The following MARCHF1 variants were observed in gnomAD, a reference collection of about 807,000 sequenced individuals.
The protein encoded by MARCHF1 is E3 ubiquitin-protein ligase MARCHF1.
Under a neutral mutation model 54.2 loss-of-function variants are expected in MARCHF1, and 40 were observed. The ratio of observed to expected loss-of-function variants is 0.74; its 90% confidence interval spans 0.57 to 0.96. MARCHF1 has a LOEUF of 0.96. MARCHF1 is among the 40% of genes least tolerant of loss of function. MARCHF1 has a pLI of 0.00. For synonymous variants in MARCHF1, 236 were observed against 236.3 expected, an observed-to-expected ratio of 1.00 and a Z score of 0.01; for missense variants, 586 against 656.5, an observed-to-expected ratio of 0.89 and a Z score of 1.17.
At chr4:164,287,227 A>G (rs1287930350) in intron 1 of MARCHF1, among the ~76,000 whole-genome samples, 2 of 151,562 alleles carry the variant, frequency 1.3e-5, no homozygotes, top group African/African-American at 4.8e-5. Flanking sequence ...TACAAAGTCC[A>G]TTGTCATTAA....
chr4:164,367,921 A>G (rs1035189341), intron 1 of MARCHF1, among the ~76,000 whole-genome samples: 4 of 151,928 alleles, frequency 2.6e-5, no homozygotes, highest in African/African-American at 9.7e-5. Flanking sequence ...TTCAAACACT[A>G]TATGTATATC....
At chr4:163,532,223 A>G (rs1738377534) in intron 9 of MARCHF1, among the ~76,000 whole-genome samples, 1 of 151,924 alleles carries the variant, frequency 6.6e-6, no homozygotes, top group Non-Finnish European at 1.5e-5. Flanking sequence ...ACAGTGTGGT[A>G]TCAATGAAAG....
At chr4:163,971,436 T>C (rs1752545413) in intron 3 of MARCHF1, among the ~76,000 whole-genome samples, 2 of 152,224 alleles carry the variant, frequency 1.3e-5, no homozygotes, top group African/African-American at 4.8e-5. Context: ...TTGTGTTACA[T>C]ATAACTTAAC....
intron 1 of MARCHF1, among the ~76,000 whole-genome samples, chr4:164,168,654 T>C (rs1236406505): frequency 6.9e-6 from 1 of 144,520 alleles, no homozygotes; most frequent in Non-Finnish European, 1.5e-5. Flanking sequence ...ATCTCACTTT[T>C]ATGTGGAATA....
chr4:163,528,739 C>A lies in MARCHF1; in HGVS notation c.*9G>T. ...TATTCTTCGGTGAAGAAACTCCCAACAGGTTCCATCAGACTGATACAACTT... is the reference window on the plus strand; with the variant it reads ...TATTCTTCGGTGAAGAAACTCCCAAAAGGTTCCATCAGACTGATACAACTT... On this transcript the variant is annotated 3_prime_UTR_variant, in exon 10 of 10. Transcript: ENST00000514618. 6.3e-7 allele frequency: 1 copy of A among 1,596,786 alleles called. No individual in the cohort carries two copies. Among genetic ancestry groups the A allele is most frequent in the Non-Finnish European group, 8.5e-7 (1 of 1,170,090 alleles).
intron 1 of MARCHF1, among the ~76,000 whole-genome samples, chr4:164,345,900 A>G (rs1419137033): frequency 6.6e-6 from 1 of 152,192 alleles, no homozygotes; most frequent in Non-Finnish European, 1.5e-5. Flanking sequence ...GAAGAATTTA[A>G]TAAGAGATAT....
At chr4:163,583,642 T>G (rs1295147606) in intron 8 of MARCHF1, 2 of 104,332 alleles carry the variant, frequency 1.9e-5, no homozygotes, top group African/African-American at 4.0e-5. Flanking sequence ...TGAATTTTTG[T>G]TTTTTGTGTG....
At chr4:164,063,253 G>A (rs1270470159) in intron 2 of MARCHF1, among the ~76,000 whole-genome samples, 1 of 152,222 alleles carries the variant, frequency 6.6e-6, no homozygotes, top group Non-Finnish European at 1.5e-5. Context: ...GAAGCTCTGA[G>A]TCCTGGCACG....
At chr4:164,201,069 C>A (rs1022088750) in intron 1 of MARCHF1, among the ~76,000 whole-genome samples, 1 of 152,168 alleles carries the variant, frequency 6.6e-6, no homozygotes, top group African/African-American at 2.4e-5. Context: ...GCGGAAGAAA[C>A]AAGGTTGCTG....
chr4:164,073,201 T>C (rs1182140850), intron 2 of MARCHF1, among the ~76,000 whole-genome samples: 2 of 152,204 alleles, frequency 1.3e-5, no homozygotes, highest in Non-Finnish European at 2.9e-5. Flanking sequence ...GAAGTGTGTG[T>C]TCATTGTGGC....
At chr4:163,936,743 A>G (rs1323367628) in intron 3 of MARCHF1, among the ~76,000 whole-genome samples, 1 of 152,216 alleles carries the variant, frequency 6.6e-6, no homozygotes, top group Non-Finnish European at 1.5e-5. Flanking sequence ...GTGAAACACC[A>G]TCTGCTAGAA....
intron 4 of MARCHF1, among the ~76,000 whole-genome samples, chr4:163,836,083 G>T (rs11946903): frequency 0.15 from 23,379 of 151,998 alleles, 2,499 homozygotes; most frequent in African/African-American, 0.31. Flanking sequence ...AAGATTGAAT[G>T]AAGTACGTAC....
In MARCHF1 at chr4:164,016,070, T is replaced by C. The variant is rs572610618; in HGVS notation, c.-247-27361A>G. 3.9e-5 allele frequency among the ~76,000 whole-genome samples: 6 copies of C among 152,292 alleles called. No homozygotes were observed. In the South Asian group the frequency reaches 1.2e-3, roughly 32 times the overall value. ...TGGAATCAACCTCAGTATCCATTAA[T>C]GGATGAATGGACAAAGAAAATATTA... On this transcript the variant is annotated intron_variant, in intron 2 of 9. Transcript: ENST00000514618.
chr4:164,202,308 C>T (rs992157994), intron 1 of MARCHF1, among the ~76,000 whole-genome samples: 1 of 152,088 alleles, frequency 6.6e-6, no homozygotes, highest in Admixed American at 6.6e-5. Context: ...TATACCAAAA[C>T]CCAAAAGTGA....
At chr4:163,878,875 C>A (rs928996023) in intron 3 of MARCHF1, among the ~76,000 whole-genome samples, 2 of 152,110 alleles carry the variant, frequency 1.3e-5, no homozygotes, top group African/African-American at 4.8e-5. Context: ...CCTGGAGGCC[C>A]CTTCTCCACC....
intron 5 of MARCHF1, among the ~76,000 whole-genome samples, chr4:163,613,931 C>T (rs1399056631): frequency 6.6e-6 from 1 of 152,030 alleles, no homozygotes; most frequent in Non-Finnish European, 1.5e-5. Flanking sequence ...AAATATATCC[C>T]TTGCAACACT....
intron 1 of MARCHF1, among the ~76,000 whole-genome samples, chr4:164,341,660 G>C (rs966610518): frequency 6.6e-6 from 1 of 152,158 alleles, no homozygotes. Context: ...AAGGGGTGAA[G>C]GGTCTCTTTA....
At chr4:164,283,932 T>G (rs1250191872) in intron 1 of MARCHF1, among the ~76,000 whole-genome samples, 1 of 150,970 alleles carries the variant, frequency 6.6e-6, no homozygotes, top group African/African-American at 2.4e-5. Flanking sequence ...CAATAAGCAC[T>G]TTCAGTTCAA....
chr4:163,673,648 T>C (rs1198139402), intron 5 of MARCHF1, among the ~76,000 whole-genome samples: 1 of 152,132 alleles, frequency 6.6e-6, no homozygotes, highest in Non-Finnish European at 1.5e-5. Context: ...AAGCTGTGAT[T>C]TACTAGATAA....
Sources: allele counts gnomAD v4.1 joint callset (sites outside exome capture counted in the v4.1 genomes callset), GRCh38; gene constraint gnomAD v4.1.1; transcripts MANE v1.5; gene names NCBI Gene and HGNC (gene_info 2026-07-23, HGNC 2026-07-21).